The following ZCCHC17 variants were observed in gnomAD, a reference collection of about 807,000 sequenced individuals.
ZCCHC17 encodes the protein zinc finger CCHC-type containing 17.
In ZCCHC17, 18 loss-of-function variants were observed where a neutral mutation model predicts 30.6. That is an observed-to-expected ratio of 0.59 (90% CI 0.41 to 0.87). The LOEUF (loss-of-function observed/expected upper bound fraction) is 0.87. ZCCHC17 is among the 40% of genes least tolerant of loss of function. The probability of loss-of-function intolerance (pLI) is 0.00; values close to 1 mark genes in which losing one functional copy is unlikely to be tolerated. For missense variants in ZCCHC17, 263 were observed against 284.2 expected, an observed-to-expected ratio of 0.93 and a Z score of 0.54; for synonymous variants, 88 against 92.4, an observed-to-expected ratio of 0.95 and a Z score of 0.27.
rs535504882 is a variant in ZCCHC17 at position 31,351,912 on chromosome 1, GTGTC to G, written c.564+2942_564+2945del. Among the ~76,000 whole-genome samples, 428 of 152,272 alleles carry G rather than the reference GTGTC, an allele frequency of 2.8e-3. 2 individuals carry two copies. Among genetic ancestry groups the G allele is most frequent in the Non-Finnish European group, 4.0e-3 (275 of 68,010 alleles). On this transcript the variant is annotated intron_variant, in intron 7 of 7. Coordinates refer to ENST00000344147, the MANE Select transcript of ZCCHC17 (RefSeq NM_016505.4). ...CTCATAACCCCCAAATTAAGTGCTT[GTGTC>G]TGTATTTTATCCAAATCTGCATTGC...
intron 1 of ZCCHC17, among the ~76,000 whole-genome samples, chr1:31,300,803 G>T (rs1264453579): frequency 6.6e-6 from 1 of 152,078 alleles, no homozygotes; most frequent in Non-Finnish European, 1.5e-5. Flanking sequence ...GGGCATGGTG[G>T]TGTGTGCCTG....
intron 3 of ZCCHC17, among the ~76,000 whole-genome samples, chr1:31,327,671 G>A (rs910829978): frequency 3.3e-5 from 5 of 152,142 alleles, no homozygotes; most frequent in African/African-American, 9.7e-5. Context: ...ATCGACTGCT[G>A]TTGCAGTGCT....
chr1:31,339,960 CTTTTTTTTTTT>C (rs36008834), intron 5 of ZCCHC17, among the ~76,000 whole-genome samples: 3 of 90,402 alleles, frequency 3.3e-5, no homozygotes, highest in Non-Finnish European at 4.5e-5. Context: ...TCTTGGATTT[CTTTTTTTTTTT>C]TTTTTTTTTT....
At chr1:31,360,423 C>G (rs915700385) in intron 7 of ZCCHC17, among the ~76,000 whole-genome samples, 1 of 152,244 alleles carries the variant, frequency 6.6e-6, no homozygotes, top group Non-Finnish European at 1.5e-5. Context: ...CCCACCTTGG[C>G]CTCCCAAAGT....
At chr1:31,345,567 A>AAT (rs1553124820) in intron 5 of ZCCHC17, among the ~76,000 whole-genome samples, 1 of 99,540 alleles carries the variant, frequency 1.0e-5, no homozygotes, top group African/African-American at 4.0e-5. Flanking sequence ...TATATAATAT[A>AAT]ATATATATAT....
chr1:31,343,197 T>C (rs773460903), intron 5 of ZCCHC17, among the ~76,000 whole-genome samples: 6 of 152,178 alleles, frequency 3.9e-5, no homozygotes, highest in Admixed American at 6.5e-5. Flanking sequence ...GTAGCTGGGA[T>C]TACAGGTGCC....
rs768969307 is a variant in ZCCHC17 at position 31,364,172 on chromosome 1, C to A, written c.705C>A (p.His235Gln). 51 of 1,613,270 alleles carry A rather than the reference C, an allele frequency of 3.2e-5. No individual in the cohort carries two copies. The highest frequency in any genetic ancestry group is 3.9e-5 in the Non-Finnish European group (46 of 1,179,750). ...AGAAGAAGAAAAAGAAGAAGAAGCA[C>A]AAGAAGAAGCACAAGGAGTGAGAGT... ...AAKKKKKKKK[H>Q]KKKHKE The change falls in exon 8 of 8, where the codon CAC (histidine) becomes CAA (glutamine). Residue 235 changes from histidine to glutamine, a missense_variant. Coordinates refer to ENST00000344147, the MANE Select transcript of ZCCHC17 (RefSeq NM_016505.4).
At chr1:31,357,902 T>C (rs922385846) in intron 7 of ZCCHC17, among the ~76,000 whole-genome samples, 1 of 152,136 alleles carries the variant, frequency 6.6e-6, no homozygotes, top group Non-Finnish European at 1.5e-5. Context: ...ATTACAGGCA[T>C]GCACCACCAC....
At chr1:31,334,333 CTCTCTGTGTGTGTGTGTGTGTGTGTGTG>C (rs1422599381) in intron 3 of ZCCHC17, among the ~76,000 whole-genome samples, 11 of 60,974 alleles carry the variant, frequency 1.8e-4, no homozygotes, top group African/African-American at 6.3e-4. Context: ...CTCTCTCTCT[CTCTCTGTGTGTGTGTGTGTGTGTGTGTG>C]TGTGTGTGTG....
rs758840923 is a variant in ZCCHC17 at position 31,318,675 on chromosome 1, AATTT to A, written c.67-430_67-427del. Among the ~76,000 whole-genome samples the A allele has an allele frequency of 5.9e-5, 9 of 152,268 alleles. No individual in the cohort carries two copies. The East Asian group carries it at 1.5e-3, about 26-fold the overall frequency. On this transcript the variant is annotated intron_variant, in intron 2 of 7. Transcript: ENST00000344147. ...GGAATGCCCTGTGTGATCCATCCCAAATTTATTAAAGTTCTCTGTATTGGGTTTG... is the reference window on the plus strand; with the variant it reads ...GGAATGCCCTGTGTGATCCATCCCAAATTAAAGTTCTCTGTATTGGGTTTG...
rs78737632 is a variant in ZCCHC17, at chr1:31,357,583, G to A, written c.565-6449G>A. The stretch of plus-strand genomic sequence containing the variant: ...CACTTAGATTCTAATGGATGGGGTC[G>A]ATTGACACAGATAATAAACTGGTAA... On this transcript the variant is annotated intron_variant, in intron 7 of 7. Transcript: ENST00000344147. 2.0e-5 allele frequency among the ~76,000 whole-genome samples: 3 copies of A among 152,262 alleles called. No homozygotes were observed. The East Asian group carries it at 5.8e-4, about 29-fold the overall frequency.
At chr1:31,323,470 C>T (rs35942905) in intron 3 of ZCCHC17, among the ~76,000 whole-genome samples, 82,546 of 151,764 alleles carry the variant, frequency 0.54, 23,330 homozygotes, top group Non-Finnish European at 0.62. Flanking sequence ...TACAGGCACC[C>T]GCCACCATGC....
intron 3 of ZCCHC17, among the ~76,000 whole-genome samples, chr1:31,334,042 GA>G (rs1448549452): frequency 1.3e-5 from 2 of 151,994 alleles, no homozygotes; most frequent in Non-Finnish European, 2.9e-5. Flanking sequence ...CATCATAGGG[GA>G]AAAAAATAAA....
At chr1:31,316,240 T>C (rs1646729160) in intron 2 of ZCCHC17, among the ~76,000 whole-genome samples, 1 of 152,202 alleles carries the variant, frequency 6.6e-6, no homozygotes, top group Non-Finnish European at 1.5e-5. Flanking sequence ...TAGCTGGGAT[T>C]ACAGGCATGT....
At position 31,346,729 on chromosome 1, in the gene ZCCHC17, G is replaced by A; in HGVS notation, c.407G>A (p.Cys136Tyr). The stretch of plus-strand genomic sequence containing the variant: ...GTCTTGAACACTACCTGCAAGAAGT[G>A]TGGCTGTAAAGGTAGGGTGAAGCCT... The part of the protein sequence containing the change: ...EAVLNTTCKK[C>Y]GCKGHFAKDC... Residue 136 changes from cysteine to tyrosine, a missense_variant, in exon 6 of 8, where the codon TGT (cysteine) becomes TAT (tyrosine). Physicochemically the swap from Cys to Tyr is radical, Grantham distance 194. Transcript: ENST00000344147. 1.9e-6 allele frequency: 3 copies of A among 1,614,196 alleles called. No individual in the cohort carries two copies. The South Asian group carries it at 3.3e-5, about 18-fold the overall frequency.
intron 7 of ZCCHC17, among the ~76,000 whole-genome samples, chr1:31,350,553 G>A (rs986337571): frequency 6.6e-6 from 1 of 151,756 alleles, no homozygotes; most frequent in African/African-American, 2.4e-5. Context: ...CAGACTTGAG[G>A]CTCTTCTGTG....
Position 31,297,065 on chromosome 1 carries a change from G to T in ZCCHC17, c.-66G>T. On this transcript the variant is annotated 5_prime_UTR_variant, in exon 1 of 8. Transcript: ENST00000344147. ...CAGCGCAGCGACTCGGGGACCTGGA[G>T]CTGACGCCTAGTACGTATGAGGAAG... 2.3e-6 allele frequency: 1 copy of T among 444,118 alleles called. No individual in the cohort carries two copies. Among genetic ancestry groups the T allele is most frequent in the Non-Finnish European group, 4.0e-6 (1 of 250,652 alleles). The allele number at this position is 444,118 out of a possible 1,614,324, so 27.5% of individuals were successfully genotyped here.
intron 2 of ZCCHC17, among the ~76,000 whole-genome samples, chr1:31,315,713 C>G (rs1646716990): frequency 6.6e-6 from 1 of 152,196 alleles, no homozygotes; most frequent in South Asian, 2.1e-4. Flanking sequence ...CACCTATAAT[C>G]TGAAGATGGG....
At chr1:31,340,568 C>T (rs571002019) in intron 5 of ZCCHC17, among the ~76,000 whole-genome samples, 104 of 152,228 alleles carry the variant, frequency 6.8e-4, no homozygotes, top group Non-Finnish European at 3.1e-4. Context: ...CTGCCCGTCT[C>T]GGCCTCCCAA....
Sources: allele counts gnomAD v4.1 joint callset (sites outside exome capture counted in the v4.1 genomes callset), GRCh38; gene constraint gnomAD v4.1.1; transcripts MANE v1.5; gene names NCBI Gene and HGNC (gene_info 2026-07-23, HGNC 2026-07-21).